Variants in HERPUD2 observed in about 807,000 individuals in gnomAD.
The protein encoded by HERPUD2 is HERPUD family member 2, also known as homocysteine-responsive endoplasmic reticulum-resident ubiquitin-like domain member 2 protein.
HERPUD2 carries 13 observed loss-of-function variants against 49.9 expected under a neutral mutation model. The ratio of observed to expected loss-of-function variants is 0.26; its 90% confidence interval spans 0.17 to 0.41. The LOEUF is 0.41. Among genes scored for constraint, HERPUD2 ranks in the 10% least tolerant of loss-of-function variants. The pLI is 1.00. For synonymous variants in HERPUD2, 172 were observed against 171.4 expected (o/e 1.00, Z -0.03); for missense variants, 449 against 492.2 (o/e 0.91, Z 0.83).
intron 5 of HERPUD2, among the ~76,000 whole-genome samples, chr7:35,652,954 A>T (rs1292002549): frequency 6.6e-6 from 1 of 152,104 alleles, no homozygotes; most frequent in Non-Finnish European, 1.5e-5. Flanking sequence ...AAGAGAAAGA[A>T]TTTATATGTC....
intron 2 of HERPUD2, among the ~76,000 whole-genome samples, chr7:35,688,385 A>G (rs1172490921): frequency 2.0e-5 from 3 of 152,204 alleles, no homozygotes; most frequent in Non-Finnish European, 4.4e-5. Flanking sequence ...CTGGAACTCC[A>G]AAGAGATATT....
chr7:35,641,661 C>G (rs1215067692), intron 5 of HERPUD2, among the ~76,000 whole-genome samples: 1 of 152,126 alleles, frequency 6.6e-6, no homozygotes, highest in South Asian at 2.1e-4. Context: ...GGAAATAAGG[C>G]TGCACACCTA....
intron 3 of HERPUD2, among the ~76,000 whole-genome samples, chr7:35,672,360 A>C (rs1384456899): frequency 2.0e-5 from 3 of 152,064 alleles, no homozygotes; most frequent in Non-Finnish European, 4.4e-5. Flanking sequence ...TAGCAATTTG[A>C]AACTACATAT....
intron 3 of HERPUD2, among the ~76,000 whole-genome samples, chr7:35,671,468 C>T (rs1785643578): frequency 6.6e-6 from 1 of 152,048 alleles, no homozygotes; most frequent in African/African-American, 2.4e-5. Context: ...CAACGTCTCC[C>T]TTAGCTTCTT....
At chr7:35,648,456 A>G (rs762970008) in intron 5 of HERPUD2, among the ~76,000 whole-genome samples, 17 of 152,194 alleles carry the variant, frequency 1.1e-4, no homozygotes, top group Non-Finnish European at 7.3e-5. Flanking sequence ...TTTACACCAG[A>G]GAAATCAGCA....
At chr7:35,667,939 C>T (rs1438686668) in intron 4 of HERPUD2, among the ~76,000 whole-genome samples, 1 of 152,056 alleles carries the variant, frequency 6.6e-6, no homozygotes, top group African/African-American at 2.4e-5. Flanking sequence ...TTCATGATGC[C>T]TAACACATAC....
At chr7:35,636,824 G>A (rs1784877576) in intron 6 of HERPUD2, among the ~76,000 whole-genome samples, 2 of 152,098 alleles carry the variant, frequency 1.3e-5, no homozygotes, top group South Asian at 4.2e-4. Flanking sequence ...ACTTAATTAT[G>A]TGTTAAGAAA....
intron 5 of HERPUD2, among the ~76,000 whole-genome samples, chr7:35,646,786 T>C (rs10273932): frequency 6.6e-6 from 1 of 151,860 alleles, no homozygotes; most frequent in East Asian, 1.9e-4. Flanking sequence ...CCCTAGGAAA[T>C]TCACAATGAG....
At chr7:35,669,091 T>C (rs1785595350) in intron 4 of HERPUD2, among the ~76,000 whole-genome samples, 1 of 152,126 alleles carries the variant, frequency 6.6e-6, no homozygotes, top group Non-Finnish European at 1.5e-5. Context: ...CAGAGGGTTC[T>C]TTCCCAACAA....
At position 35,695,116 on chromosome 7, in the gene HERPUD2, G is replaced by A. The variant is rs1270773842; in HGVS notation, c.-613C>T. ...GGACGAGAGCCGTTGCGCCACCGCT[G>A]GCGCGCCGGTTTTGTTGTTATTGCG... On this transcript the variant is annotated 5_prime_UTR_variant, in exon 1 of 9. Coordinates refer to ENST00000311350, the MANE Select transcript of HERPUD2 (RefSeq NM_022373.5). The A allele has an allele frequency of 6.6e-6, 1 of 152,484 alleles. No homozygotes were observed. The highest frequency in any genetic ancestry group is 1.5e-5 in the Non-Finnish European group (1 of 68,238). The allele number at this position is 152,484 out of a possible 1,614,324, so 9.4% of individuals were successfully genotyped here.
At chr7:35,652,624 A>C (rs1296108123) in intron 5 of HERPUD2, among the ~76,000 whole-genome samples, 1 of 147,764 alleles carries the variant, frequency 6.8e-6, no homozygotes, top group Non-Finnish European at 1.5e-5. Flanking sequence ...CAGGAAGGAA[A>C]GAAAGGAAGG....
chr7:35,657,123 T>C (rs1403316342), intron 5 of HERPUD2, among the ~76,000 whole-genome samples: 3 of 152,110 alleles, frequency 2.0e-5, no homozygotes, highest in South Asian at 4.1e-4. Context: ...AAGGAACTAA[T>C]ATGTAGAATA....
chr7:35,693,640 T>A (rs551062759), intron 2 of HERPUD2, among the ~76,000 whole-genome samples: 1 of 152,276 alleles, frequency 6.6e-6, no homozygotes, highest in South Asian at 2.1e-4. Context: ...CCCTTTTCCA[T>A]GCCTGCCAAT....
intron 2 of HERPUD2, among the ~76,000 whole-genome samples, chr7:35,676,940 A>C (rs1785773212): frequency 6.6e-6 from 1 of 152,236 alleles, no homozygotes. Flanking sequence ...ACTAGTCAAA[A>C]TACAGTGTTT....
chr7:35,653,071 C>T (rs1018131200), intron 5 of HERPUD2, among the ~76,000 whole-genome samples: 6 of 152,086 alleles, frequency 3.9e-5, no homozygotes, highest in Non-Finnish European at 8.8e-5. Flanking sequence ...CAGGAATAAG[C>T]CCTGTCATAT....
At chr7:35,633,921 T>A in intron 8 of HERPUD2, 70 bp from the exon 9 acceptor site, 1 of 1,461,834 alleles carries the variant, frequency 6.8e-7, no homozygotes. Context: ...AGAATACAGT[T>A]AAATTCTTTG....
At chr7:35,671,138 A>G (rs1238962594) in intron 3 of HERPUD2, among the ~76,000 whole-genome samples, 3 of 152,118 alleles carry the variant, frequency 2.0e-5, no homozygotes, top group East Asian at 1.9e-4. Context: ...AAACAAAGCT[A>G]CTAGAAACTA....
At chr7:35,692,247 C>A (rs146387499) in intron 2 of HERPUD2, among the ~76,000 whole-genome samples, 2 of 152,266 alleles carry the variant, frequency 1.3e-5, no homozygotes, top group East Asian at 1.9e-4. Flanking sequence ...AGACCTCCTG[C>A]CAAAAGCAGG....
At chr7:35,674,943 TGTAA>T (rs1785728743) in intron 2 of HERPUD2, among the ~76,000 whole-genome samples, 1 of 152,186 alleles carries the variant, frequency 6.6e-6, no homozygotes, top group Admixed American at 6.5e-5. Flanking sequence ...AGTGAGCAAA[TGTAA>T]GTAACATGTT....
Sources: allele counts gnomAD v4.1 joint callset (sites outside exome capture counted in the v4.1 genomes callset), GRCh38; gene constraint gnomAD v4.1.1; transcripts MANE v1.5; gene names NCBI Gene and HGNC (gene_info 2026-07-23, HGNC 2026-07-21).